IARS2: variants seen among roughly 807,000 people sequenced by gnomAD.
The protein encoded by IARS2 is isoleucine--tRNA ligase, mitochondrial.
IARS2 carries 56 observed loss-of-function variants against 126.3 expected under a neutral mutation model. The observed-to-expected ratio is 0.44, with a 90% CI of 0.36 to 0.55. The LOEUF is 0.55. IARS2 is among the 20% of genes least tolerant of loss of function. The probability of loss-of-function intolerance (pLI) is 0.00; values close to 1 mark genes in which losing one functional copy is unlikely to be tolerated. For missense variants in IARS2, 1,127 were observed against 1,245.9 expected (o/e 0.90, Z 1.44); for synonymous variants, 407 against 441.1 (o/e 0.92, Z 0.97).
chr1:220,094,883 A>T (rs1269537377), intron 1 of IARS2, among the ~76,000 whole-genome samples: 1 of 152,062 alleles, frequency 6.6e-6, no homozygotes, highest in East Asian at 1.9e-4. Flanking sequence ...CACGCCTGTA[A>T]TCCCAGAACT....
At chr1:220,112,014 G>T (rs1315499090) in intron 11 of IARS2, among the ~76,000 whole-genome samples, 1 of 150,970 alleles carries the variant, frequency 6.6e-6, no homozygotes, top group East Asian at 1.9e-4. Flanking sequence ...ATTGTTCTTT[G>T]TAGAAGTAGT....
intron 15 of IARS2, 83 bp from the exon 16 acceptor site, chr1:220,136,726 A>G (rs1657384965): frequency 3.4e-6 from 2 of 593,892 alleles, no homozygotes; most frequent in Non-Finnish European, 5.8e-6. Context: ...TCAAACTTAG[A>G]TACTCTTTTT....
intron 12 of IARS2, among the ~76,000 whole-genome samples, chr1:220,121,981 C>T (rs1411644156): frequency 2.0e-5 from 3 of 152,140 alleles, no homozygotes; most frequent in Non-Finnish European, 4.4e-5. Flanking sequence ...GTCCCAGCTA[C>T]TCAGGAGGCT....
At chr1:220,115,603 TA>T (rs1656898396) in intron 12 of IARS2, among the ~76,000 whole-genome samples, 1 of 152,106 alleles carries the variant, frequency 6.6e-6, no homozygotes, top group Non-Finnish European at 1.5e-5. Flanking sequence ...AAGTGATTTA[TA>T]GTAAATTTGT....
At chr1:220,143,234 G>C (rs973771716) in intron 21 of IARS2, 100 bp downstream of exon 21, 2 of 714,890 alleles carry the variant, frequency 2.8e-6, no homozygotes, top group Non-Finnish European at 4.4e-6. Context: ...ATAACATTGG[G>C]TTATGTGTAA....
At chr1:220,099,599 C>T (rs377116706) in intron 2 of IARS2, among the ~76,000 whole-genome samples, 10 of 152,144 alleles carry the variant, frequency 6.6e-5, no homozygotes, top group South Asian at 6.2e-4. Flanking sequence ...AGAAACCATT[C>T]GAAAGGCTGG....
intron 20 of IARS2, among the ~76,000 whole-genome samples, chr1:220,142,277 T>A (rs1037782463): frequency 6.6e-6 from 1 of 152,184 alleles, no homozygotes; most frequent in Admixed American, 6.5e-5. Context: ...GGTGGGCAGA[T>A]CACTTGAGGT....
chr1:220,128,044 T>TA (rs1167094175), intron 14 of IARS2, among the ~76,000 whole-genome samples: 3 of 152,158 alleles, frequency 2.0e-5, no homozygotes, highest in African/African-American at 7.2e-5. Context: ...AAGATGATAA[T>TA]ACATCTGACT....
At position 220,125,276 on chromosome 1, in the gene IARS2, C is replaced by T. The variant is rs767873179; in HGVS notation, c.1680C>T (p.His560=). ...TEHIVKLVEQ[H]GSDIWWTLPP... is the part of the protein sequence containing the mutation. ...ATATTGTTAAACTAGTGGAACAACA[C>T]GGCAGTGATATCTGGTGGACTCTTC... The change falls in exon 13 of 23, where the codon CAC becomes CAT. Residue 560 remains histidine, a synonymous_variant. Transcript: ENST00000366922. 9 of 1,613,690 alleles carry T rather than the reference C, an allele frequency of 5.6e-6. No homozygotes were observed. Among genetic ancestry groups the T allele is most frequent in the East Asian group, 2.2e-5 (1 of 44,854 alleles).
intron 12 of IARS2, among the ~76,000 whole-genome samples, chr1:220,124,282 T>G (rs1657108067): frequency 6.6e-6 from 1 of 152,274 alleles, no homozygotes; most frequent in Non-Finnish European, 1.5e-5. Context: ...AAATAATTTA[T>G]TACTGTATAT....
intron 2 of IARS2, among the ~76,000 whole-genome samples, chr1:220,099,834 G>C (rs946710810): frequency 3.9e-5 from 6 of 152,086 alleles, no homozygotes; most frequent in African/African-American, 1.4e-4. Flanking sequence ...AGATCACAAG[G>C]CTCCTTCCTG....
chr1:220,136,944 G>A (rs555825146), intron 16 of IARS2, 33 bp downstream of exon 16: 7 of 1,383,714 alleles, frequency 5.1e-6, no homozygotes, highest in East Asian at 2.3e-5. Context: ...TTTTATTTTC[G>A]TTTTAAGGAT....
At chr1:220,139,180 A>G in intron 18 of IARS2, 41 bp downstream of exon 18, 1 of 1,558,844 alleles carries the variant, frequency 6.4e-7, no homozygotes, top group Non-Finnish European at 8.8e-7. Context: ...TAGAAATATC[A>G]GCACTATTGT....
At chr1:220,122,547 A>C (rs1657070818) in intron 12 of IARS2, among the ~76,000 whole-genome samples, 1 of 152,236 alleles carries the variant, frequency 6.6e-6, no homozygotes, top group Non-Finnish European at 1.5e-5. Context: ...TTTAGGAAAC[A>C]CAAATTCAAG....
At chr1:220,108,495 C>G (rs569159611) in intron 10 of IARS2, among the ~76,000 whole-genome samples, 1 of 151,924 alleles carries the variant, frequency 6.6e-6, no homozygotes, top group African/African-American at 2.4e-5. Context: ...CATGGGTTCT[C>G]CTGCCTCAGT....
intron 12 of IARS2, among the ~76,000 whole-genome samples, chr1:220,123,277 T>G (rs1367369871): frequency 6.6e-6 from 1 of 152,160 alleles, no homozygotes; most frequent in African/African-American, 2.4e-5. Context: ...AGTTTATCTT[T>G]ACTGTTAAAG....
At chr1:220,094,676 G>A (rs146293670) in intron 1 of IARS2, among the ~76,000 whole-genome samples, 193 bp downstream of exon 1, 2,678 of 152,308 alleles carry the variant, frequency 0.018, 42 homozygotes, top group South Asian at 0.094. Flanking sequence ...CTCTAGATGA[G>A]CCCCTCCTTT....
At chr1:220,097,724 C>T (rs1656476804) in intron 2 of IARS2, among the ~76,000 whole-genome samples, 1 of 152,150 alleles carries the variant, frequency 6.6e-6, no homozygotes, top group African/African-American at 2.4e-5. Context: ...GGTCGCACAT[C>T]TATTTCTGAA....
At chr1:220,143,863 T>C in intron 21 of IARS2, 1 of 633,452 alleles carries the variant, frequency 1.6e-6, no homozygotes, top group South Asian at 2.0e-5. Context: ...AATGATGTGA[T>C]TTTTCTCCAG....
Sources: allele counts gnomAD v4.1 joint callset (sites outside exome capture counted in the v4.1 genomes callset), GRCh38; gene constraint gnomAD v4.1.1; transcripts MANE v1.5; gene names NCBI Gene and HGNC (gene_info 2026-07-23, HGNC 2026-07-21).